The following IMPG2 variants were observed in gnomAD, a reference collection of about 807,000 sequenced individuals.
The protein encoded by IMPG2 is interphotoreceptor matrix proteoglycan 2, also known as IPM 200.
IMPG2 carries 91 observed loss-of-function variants against 129.2 expected under a neutral mutation model. The observed-to-expected ratio is 0.70, with a 90% CI of 0.59 to 0.84. The LOEUF (loss-of-function observed/expected upper bound fraction) is 0.84. Ranked by LOEUF, IMPG2 falls within the 40% of genes least tolerant of loss-of-function variation. The pLI is 0.00. For synonymous variants in IMPG2, 510 were observed against 517.7 expected (o/e 0.99, Z 0.20); for missense variants, 1,430 against 1,461.7 (o/e 0.98, Z 0.35).
rs373714710 is a variant in IMPG2, at chr3:101,289,837, T to C, written c.533+1642A>G. ...GCAAATAAGTGTTGATTATATGAAT[T>C]AGTATAGGGACTGTGGGGTCAGAGA... On this transcript the variant is annotated intron_variant, in intron 4 of 18. Coordinates refer to ENST00000193391, the MANE Select transcript of IMPG2 (RefSeq NM_016247.4). Among the ~76,000 whole-genome samples, 13 of 151,484 alleles carry C rather than the reference T, an allele frequency of 8.6e-5. No homozygotes were observed. In the South Asian group the frequency reaches 2.3e-3, roughly 27 times the overall value.
chr3:101,245,738 C>T (rs935797930), intron 12 of IMPG2, 64 bp downstream of exon 12: 78 of 1,447,508 alleles, frequency 5.4e-5, no homozygotes, highest in Non-Finnish European at 7.1e-5. Context: ...TAGTCTCTTC[C>T]TCTCTTTAAA....
In IMPG2 at chr3:101,242,697, C is replaced by T. The variant is rs1394152379; in HGVS notation, c.3013G>A (p.Val1005Met). 1 of 1,610,268 alleles carries T rather than the reference C, an allele frequency of 6.2e-7. No homozygotes were observed. Among genetic ancestry groups the T allele is most frequent in the Admixed American group, 1.7e-5 (1 of 60,000 alleles). Reference sequence around the variant, plus strand: ...CTAGGCAATATCATACCTGATTCCACATCAAGAGAGTATTTATCAATAGCC... The same window carrying T: ...CTAGGCAATATCATACCTGATTCCATATCAAGAGAGTATTTATCAATAGCC... ...NLAIDKYSLD[V>M]ESGDEANPCK... is the part of the protein sequence containing the mutation. Residue 1005 changes from valine to methionine, a missense_variant, in exon 14 of 19, where the codon GTG becomes ATG. Physicochemically the swap from Val to Met is conservative, Grantham distance 21. Coordinates refer to ENST00000193391, the MANE Select transcript of IMPG2 (RefSeq NM_016247.4).
intron 9 of IMPG2, among the ~76,000 whole-genome samples, chr3:101,260,361 A>G (rs1559647648): frequency 6.6e-6 from 1 of 152,194 alleles, no homozygotes; most frequent in Non-Finnish European, 1.5e-5. Context: ...CTAAGCAATT[A>G]AAGTATTTCA....
intron 2 of IMPG2, among the ~76,000 whole-genome samples, chr3:101,313,011 AACTG>A (rs1001807754): frequency 4.9e-4 from 74 of 152,228 alleles, no homozygotes; most frequent in African/African-American, 1.7e-3. Context: ...AATGTTCTTA[AACTG>A]ACTGTGGTGA....
At position 101,245,994 on chromosome 3, in the gene IMPG2, A is replaced by G. The variant is rs773177586; in HGVS notation, c.1351T>C (p.Ser451Pro). ...PPSATGRELW[S>P]ESPLGDLVST... ...ACTAAATCACCCAAAGGACTTTCTG[A>G]CCAGAGTTCCCTGCCAGTGGCTGAG... Residue 451 changes from serine to proline, a missense_variant, in exon 12 of 19, where the codon TCA becomes CCA. By Grantham distance (74) the Ser-to-Pro change is moderately conservative. Transcript: ENST00000193391. 2.5e-6 allele frequency: 4 copies of G among 1,614,182 alleles called. No homozygotes were observed. In the Admixed American group the frequency reaches 6.7e-5, roughly 27 times the overall value.
At chr3:101,319,272 T>G (rs1254247917) in intron 2 of IMPG2, among the ~76,000 whole-genome samples, 1 of 152,092 alleles carries the variant, frequency 6.6e-6, no homozygotes, top group Non-Finnish European at 1.5e-5. Context: ...GTGAAAAAAG[T>G]TTCTTACATA....
chr3:101,231,372 A>T (rs1706285930), intron 15 of IMPG2, among the ~76,000 whole-genome samples: 1 of 152,246 alleles, frequency 6.6e-6, no homozygotes, highest in African/African-American at 2.4e-5. Context: ...AAGAAAACTG[A>T]ATAAAAAGCT....
chr3:101,234,300 C>T (rs1421188692), intron 14 of IMPG2, among the ~76,000 whole-genome samples: 1 of 151,472 alleles, frequency 6.6e-6, no homozygotes, highest in Non-Finnish European at 1.5e-5. Flanking sequence ...GAGTGATACA[C>T]CTATAAGCTA....
At chr3:101,292,992 TCCA>T (rs1213307319) in intron 3 of IMPG2, among the ~76,000 whole-genome samples, 1 of 152,206 alleles carries the variant, frequency 6.6e-6, no homozygotes, top group Non-Finnish European at 1.5e-5. Flanking sequence ...TCTTGCTATT[TCCA>T]CCACATCTGC....
chr3:101,230,044 T>C (rs1004906782), intron 16 of IMPG2, among the ~76,000 whole-genome samples: 7 of 152,184 alleles, frequency 4.6e-5, no homozygotes, highest in Non-Finnish European at 1.0e-4. Flanking sequence ...TTACCGAGCA[T>C]TGATCATGTG....
At chr3:101,303,047 C>T (rs1391661303) in intron 3 of IMPG2, among the ~76,000 whole-genome samples, 1 of 152,046 alleles carries the variant, frequency 6.6e-6, no homozygotes, top group East Asian at 1.9e-4. Flanking sequence ...TTACGATATA[C>T]TAATCTGATT....
intron 2 of IMPG2, among the ~76,000 whole-genome samples, chr3:101,306,772 C>G (rs569368026): frequency 6.6e-6 from 1 of 152,026 alleles, no homozygotes; most frequent in Non-Finnish European, 1.5e-5. Flanking sequence ...AGGGCTAATA[C>G]TATGAAGTTT....
Position 101,244,190 on chromosome 3 carries a change from T to C in IMPG2, c.2141A>G (p.Asp714Gly). ...AAGAGGTGCTTTGGTAACTGAGTAA[T>C]CATCAACACCAGGTACTTCTGATAT... Reference protein sequence around the residue: ...KHISEVPGVDDYSVTKAPLIL... With the variant: ...KHISEVPGVDGYSVTKAPLIL... The change falls in exon 13 of 19, where the codon GAT becomes GGT. Residue 714 changes from aspartate to glycine, a missense_variant. Physicochemically the swap from Asp to Gly is moderately conservative, Grantham distance 94. Coordinates refer to ENST00000193391, the MANE Select transcript of IMPG2 (RefSeq NM_016247.4). The C allele has an allele frequency of 3.7e-6, 6 of 1,614,010 alleles. No homozygotes were observed. Among genetic ancestry groups the C allele is most frequent in the Non-Finnish European group, 5.1e-6 (6 of 1,179,994 alleles).
At chr3:101,242,370 A>C (rs528405433) in intron 14 of IMPG2, among the ~76,000 whole-genome samples, 1 of 152,202 alleles carries the variant, frequency 6.6e-6, no homozygotes, top group African/African-American at 2.4e-5. Flanking sequence ...GATGGCCCAA[A>C]CCTTGCAGTG....
intron 2 of IMPG2, among the ~76,000 whole-genome samples, chr3:101,318,586 AG>A (rs1468142226): frequency 6.6e-6 from 1 of 152,186 alleles, no homozygotes; most frequent in Middle Eastern, 3.2e-3. Context: ...AAGATAAAGT[AG>A]CAGCTCAGAC....
intron 3 of IMPG2, among the ~76,000 whole-genome samples, chr3:101,295,377 C>A (rs977205129): frequency 6.6e-6 from 1 of 152,132 alleles, no homozygotes; most frequent in Non-Finnish European, 1.5e-5. Context: ...TGTCAAAGAT[C>A]AGATGGTTGT....
chr3:101,233,842 A>G (rs1706317297), intron 14 of IMPG2, among the ~76,000 whole-genome samples: 1 of 152,190 alleles, frequency 6.6e-6, no homozygotes, highest in Non-Finnish European at 1.5e-5. Flanking sequence ...TCTGTATTAA[A>G]AAGTATAAAG....
At chr3:101,282,947 CAT>C (rs1450543692) in intron 4 of IMPG2, among the ~76,000 whole-genome samples, 2 of 152,186 alleles carry the variant, frequency 1.3e-5, no homozygotes, top group African/African-American at 4.8e-5. Context: ...GGTTAAGTGA[CAT>C]ATTTATTATG....
intron 2 of IMPG2, among the ~76,000 whole-genome samples, chr3:101,307,002 C>A (rs1362042975): frequency 6.6e-6 from 1 of 152,112 alleles, no homozygotes; most frequent in Admixed American, 6.5e-5. Context: ...TGCCAAAGAA[C>A]TGGTATTTAG....
Sources: allele counts gnomAD v4.1 joint callset (sites outside exome capture counted in the v4.1 genomes callset), GRCh38; gene constraint gnomAD v4.1.1; transcripts MANE v1.5; gene names NCBI Gene and HGNC (gene_info 2026-07-23, HGNC 2026-07-21).